CAMK1D: variants seen among roughly 807,000 people sequenced by gnomAD.
CAMK1D encodes the protein calcium/calmodulin-dependent protein kinase type 1D.
In CAMK1D, 9 loss-of-function variants were observed where a neutral mutation model predicts 47.7. The observed-to-expected ratio is 0.19, with a 90% CI of 0.11 to 0.33. The LOEUF is 0.33. Among genes scored for constraint, CAMK1D ranks in the 10% least tolerant of loss-of-function variants. The pLI, the probability that CAMK1D is intolerant of heterozygous loss-of-function variation, is 1.00. For synonymous variants in CAMK1D, 184 were observed against 184.9 expected (o/e 0.99, Z 0.04); for missense variants, 291 against 488.7 (o/e 0.60, Z 3.81).
chr10:12,662,651 C>CAAAAAAAAAAAAAAAAAAAAAAAAAAAAA (rs56807588), intron 2 of CAMK1D, among the ~76,000 whole-genome samples: 12 of 140,424 alleles, frequency 8.5e-5, no homozygotes, highest in African/African-American at 2.6e-4. Flanking sequence ...CACTCTGCCT[C>CAAAAAAAAAAAAAAAAAAAAAAAAAAAAA]AAAAAAAAAA....
intron 1 of CAMK1D, chr10:12,456,716 A>G (rs2132043565): frequency 8.3e-6 from 1 of 121,064 alleles, no homozygotes; most frequent in Non-Finnish European, 1.6e-5. Flanking sequence ...GCAGTGAGCT[A>G]TGATTGCGCC....
chr10:12,687,458 G>T (rs1832709210), intron 3 of CAMK1D, among the ~76,000 whole-genome samples: 1 of 152,160 alleles, frequency 6.6e-6, no homozygotes, highest in East Asian at 1.9e-4. Flanking sequence ...TATGATTGTG[G>T]AATCTCTGTG....
At chr10:12,582,540 G>A (rs772925920) in intron 2 of CAMK1D, among the ~76,000 whole-genome samples, 2 of 152,182 alleles carry the variant, frequency 1.3e-5, no homozygotes, top group African/African-American at 4.8e-5. Flanking sequence ...TGTCATCTAC[G>A]ATTTCTTTTA....
intron 1 of CAMK1D, among the ~76,000 whole-genome samples, chr10:12,405,461 C>A (rs973375181): frequency 6.6e-6 from 1 of 152,158 alleles, no homozygotes; most frequent in Non-Finnish European, 1.5e-5. Flanking sequence ...AGTGAACTAA[C>A]GAGAAAACTC....
chr10:12,497,904 C>T (rs1564373938), intron 1 of CAMK1D, among the ~76,000 whole-genome samples: 2 of 152,194 alleles, frequency 1.3e-5, no homozygotes, highest in African/African-American at 4.8e-5. Context: ...AATGGACTCA[C>T]AGTTCCACAT....
intron 1 of CAMK1D, among the ~76,000 whole-genome samples, chr10:12,476,881 T>G (rs969981726): frequency 6.6e-6 from 1 of 152,158 alleles, no homozygotes; most frequent in African/African-American, 2.4e-5. Flanking sequence ...CTGCTCCAGG[T>G]CCTGTTATGT....
intron 3 of CAMK1D, among the ~76,000 whole-genome samples, chr10:12,703,428 A>G (rs1455165779): frequency 6.6e-6 from 1 of 152,216 alleles, no homozygotes; most frequent in East Asian, 1.9e-4. Flanking sequence ...CCAGTCCCAC[A>G]GCTGTCTTGG....
chr10:12,520,060 T>C (rs866438961), intron 1 of CAMK1D, among the ~76,000 whole-genome samples: 77 of 45,556 alleles, frequency 1.7e-3, no homozygotes, highest in African/African-American at 4.1e-3. Flanking sequence ...GCTGGCCGGG[T>C]GGGGGGCTGA....
At chr10:12,527,858 C>T (rs1240470152) in intron 1 of CAMK1D, among the ~76,000 whole-genome samples, 9 of 152,236 alleles carry the variant, frequency 5.9e-5, no homozygotes, top group South Asian at 2.1e-4. Context: ...AATTAGTGGG[C>T]GGCATGGGTT....
intron 2 of CAMK1D, among the ~76,000 whole-genome samples, chr10:12,625,045 A>G (rs1203775862): frequency 2.0e-5 from 3 of 151,042 alleles, no homozygotes; most frequent in Non-Finnish European, 4.4e-5. Context: ...CTTTCGAAAC[A>G]GAGTTACCTG....
chr10:12,402,911 G>A (rs2131921018), intron 1 of CAMK1D, among the ~76,000 whole-genome samples: 1 of 152,174 alleles, frequency 6.6e-6, no homozygotes, highest in Admixed American at 6.5e-5. Context: ...GCGCAGAATT[G>A]CGTGGATTGG....
chr10:12,756,446 AC>A (rs1360709523), intron 3 of CAMK1D, among the ~76,000 whole-genome samples: 1 of 152,224 alleles, frequency 6.6e-6, no homozygotes, highest in African/African-American at 2.4e-5. Flanking sequence ...CGGTCCAGCA[AC>A]TTCAAAATGA....
intron 2 of CAMK1D, among the ~76,000 whole-genome samples, chr10:12,577,250 C>T (rs377628361): frequency 1.3e-5 from 2 of 152,260 alleles, no homozygotes; most frequent in Non-Finnish European, 1.5e-5. Context: ...TGTATGTCGC[C>T]GTGTTGGGTT....
chr10:12,750,638 G>A (rs1429959459), intron 3 of CAMK1D, among the ~76,000 whole-genome samples: 6 of 151,928 alleles, frequency 3.9e-5, no homozygotes, highest in South Asian at 2.1e-4. Flanking sequence ...CATGCAAACC[G>A]CTATCAAGGT....
At chr10:12,618,799 A>G (rs572639213) in intron 2 of CAMK1D, among the ~76,000 whole-genome samples, 1 of 152,360 alleles carries the variant, frequency 6.6e-6, no homozygotes, top group South Asian at 2.1e-4. Context: ...GGTAGTAGTA[A>G]TAATAGTTGC....
intron 1 of CAMK1D, among the ~76,000 whole-genome samples, chr10:12,357,426 C>T (rs60919881): frequency 0.075 from 11,413 of 152,124 alleles, 1,089 homozygotes; most frequent in African/African-American, 0.22. Context: ...AGTGATTCTC[C>T]TGCCTCAGCC....
chr10:12,521,483 TA>T (rs1835414179), intron 1 of CAMK1D, among the ~76,000 whole-genome samples: 2 of 152,356 alleles, frequency 1.3e-5, no homozygotes, highest in South Asian at 2.1e-4. Flanking sequence ...TTTTTTAATT[TA>T]AAGTTTGTTT....
chr10:12,567,600 A>G (rs1038442442), intron 2 of CAMK1D, among the ~76,000 whole-genome samples: 1 of 152,210 alleles, frequency 6.6e-6, no homozygotes, highest in Non-Finnish European at 1.5e-5. Flanking sequence ...GCAGGTGTTC[A>G]GTGTTCTTTC....
At chr10:12,771,207 GGCATGA>G (rs1193444357) in intron 5 of CAMK1D, among the ~76,000 whole-genome samples, 1 of 152,240 alleles carries the variant, frequency 6.6e-6, no homozygotes, top group African/African-American at 2.4e-5. Flanking sequence ...CAGGATTACA[GGCATGA>G]GCCGCCGCGC....
Sources: gnomAD v4.1 joint callset for allele counts (sites outside exome capture counted in the v4.1 genomes callset) on GRCh38, gnomAD v4.1.1 for gene constraint, MANE v1.5 for transcripts, NCBI Gene and HGNC (gene_info 2026-07-23, HGNC 2026-07-21) for gene names.